SETD4: variants seen among roughly 807,000 people sequenced by gnomAD.
SETD4 encodes SET domain-containing protein 4.
In SETD4, 46 loss-of-function variants were observed where a neutral mutation model predicts 58.3. That is an observed-to-expected ratio of 0.79 (90% CI 0.62 to 1.01). The LOEUF is 1.01. Among genes scored for constraint, SETD4 ranks in the 50% least tolerant of loss-of-function variants. The probability of loss-of-function intolerance (pLI) is 0.00; values close to 1 mark genes in which losing one functional copy is unlikely to be tolerated. For synonymous variants in SETD4, 190 were observed against 202.6 expected, an observed-to-expected ratio of 0.94 and a Z score of 0.53; for missense variants, 490 against 523.3, an observed-to-expected ratio of 0.94 and a Z score of 0.62.
chr21:36,043,617 G>A, intron 7 of SETD4, 165 bp downstream of exon 7: 4 of 1,410,498 alleles, frequency 2.8e-6, no homozygotes, highest in Non-Finnish European at 3.7e-6. Flanking sequence ...CTTCAACACT[G>A]AAATTACAGC....
intron 1 of SETD4, 46 bp from the exon 2 acceptor site, chr21:36,058,970 C>G: frequency 6.8e-7 from 1 of 1,476,578 alleles, no homozygotes; most frequent in Non-Finnish European, 9.1e-7. Flanking sequence ...TGGAAATGCT[C>G]AATCTAAAAT....
In SETD4 at chr21:36,049,479, C is replaced by T. The variant is rs145250538; in HGVS notation, c.208-1083G>A. ...CTGAGGCAGGAGAATCACTTGAACT[C>T]GAGAGGCAGAGGTGGCAGTGAGCCG... is the stretch of plus-strand genomic sequence containing the variant. On this transcript the variant is annotated intron_variant, in intron 4 of 11. Coordinates refer to ENST00000332131, the MANE Select transcript of SETD4 (RefSeq NM_017438.5). 6.9e-3 allele frequency among the ~76,000 whole-genome samples: 1,050 copies of T among 152,176 alleles called. 6 individuals are homozygous for T. Among genetic ancestry groups the T allele is most frequent in the African/African-American group, 0.023 (972 of 41,508 alleles).
chr21:36,057,499 A>G (rs2065047281), intron 2 of SETD4: 1 of 606,844 alleles, frequency 1.6e-6, no homozygotes. Context: ...AAAAAATACA[A>G]TATTATAATC....
rs544739510 is a variant in SETD4, at chr21:36,054,343, A to G, written c.170-723T>C. On this transcript the variant is annotated intron_variant, in intron 3 of 11. Transcript: ENST00000332131. ...ATGCCTAAGCTTCTGCTCCTGGAAC[A>G]GTCAGACAAACATTGAAAGGATGCT... 1.2e-3 allele frequency among the ~76,000 whole-genome samples: 184 copies of G among 152,390 alleles called. 1 individual carries two copies. The highest frequency in any genetic ancestry group is 1.6e-3 in the Admixed American group (25 of 15,312).
chr21:36,040,630 G>A lies in SETD4; in HGVS notation c.1009C>T (p.Pro337Ser), dbSNP rs757438556. The A allele has an allele frequency of 8.1e-6, 13 of 1,613,710 alleles. No individual in the cohort carries two copies. Among genetic ancestry groups the A allele is most frequent in the Non-Finnish European group, 1.0e-5 (12 of 1,179,832 alleles). Reference protein sequence around the residue: ...IENLTFGWDGPSWRLLTALKL... With the variant: ...IENLTFGWDGSSWRLLTALKL... ...AGGGCTGTGAGTAGCCTCCAAGATGGTCCATCCCATCCAAATGTCAAATTT... is the reference window on the plus strand; with the variant it reads ...AGGGCTGTGAGTAGCCTCCAAGATGATCCATCCCATCCAAATGTCAAATTT... Residue 337 changes from proline (P) to serine (S), a missense_variant, in exon 9 of 12, where the codon CCA becomes TCA. Transcript: ENST00000332131.
intron 4 of SETD4, among the ~76,000 whole-genome samples, chr21:36,052,424 G>A (rs945471161): frequency 3.3e-5 from 5 of 150,822 alleles, no homozygotes; most frequent in Admixed American, 3.3e-4. Flanking sequence ...GGGCATGGTG[G>A]CACATGCCTG....
chr21:36,042,230 T>G (rs1271963301), intron 7 of SETD4: 3 of 167,544 alleles, frequency 1.8e-5, no homozygotes, highest in African/African-American at 7.2e-5. Context: ...TGCAAAAACA[T>G]GAGGAAAGGT....
At chr21:36,043,594 T>C (rs1351900592) in intron 7 of SETD4, 188 bp downstream of exon 7, 3 of 1,403,878 alleles carry the variant, frequency 2.1e-6, no homozygotes, top group Non-Finnish European at 2.8e-6. Flanking sequence ...CAGTCAAAAC[T>C]TCGTTGTTTT....
In SETD4 at chr21:36,036,141, G is replaced by A. The variant is rs762904022; in HGVS notation, c.1299C>T (p.His433=). 1.4e-5 allele frequency: 23 copies of A among 1,614,078 alleles called. No individual in the cohort carries two copies. The South Asian group carries it at 1.9e-4, about 13-fold the overall frequency. Residue 433 remains histidine, a synonymous_variant, in exon 11 of 12, where the codon CAC becomes CAT. Coordinates refer to ENST00000332131, the MANE Select transcript of SETD4 (RefSeq NM_017438.5). ...ATCAGGTAAAAGCTGTTTGCAAACT[G>A]TGCAGGGTCTCGGCAGATGCCCTGA... ...KILRASAETL[H]SLQTAFT
chr21:36,058,709 A>G (rs2065119125), intron 2 of SETD4, 107 bp downstream of exon 2: 1 of 1,288,164 alleles, frequency 7.8e-7, no homozygotes. Context: ...CAGAGCGAGA[A>G]TCCGTCTCAG....
chr21:36,043,904 G>A lies in SETD4; in HGVS notation c.779C>T (p.Ser260Leu). The A allele has an allele frequency of 1.2e-6, 2 of 1,614,206 alleles. No homozygotes were observed. The highest frequency in any genetic ancestry group is 1.1e-5 in the South Asian group (1 of 91,080). Residue 260 changes from serine (S) to leucine (L), a missense_variant, in exon 7 of 12, where the codon TCA (serine) becomes TTA (leucine). Transcript: ENST00000332131. ...TACCTCTTCATGCTTTCTCCAACGT[G>A]AAGTCGTTCTAATTTCGTAAGAATG... ...ETHSYEIRTT[S>L]RWRKHEEVFI... is the part of the protein sequence containing the mutation.
intron 5 of SETD4, among the ~76,000 whole-genome samples, chr21:36,047,655 G>A (rs2064395801): frequency 6.6e-6 from 1 of 151,810 alleles, no homozygotes; most frequent in African/African-American, 2.4e-5. Context: ...ACTCCAGGAA[G>A]CCTATTAAAA....
chr21:36,035,835 T>C lies in SETD4; in HGVS notation c.*158A>G. 2.3e-6 allele frequency: 1 copy of C among 439,868 alleles called. No individual in the cohort carries two copies. The allele number at this position is 439,868 out of a possible 1,614,324, so 27.2% of individuals were successfully genotyped here. A position where few individuals can be genotyped will look rare whatever the true frequency, so the allele number is the denominator to read the frequency against. The stretch of plus-strand genomic sequence containing the variant: ...GCATTAGACCTGCCATCCAGACAGC[T>C]TGTCCACCTTCACTCACAGCCTCAC... On this transcript the variant is annotated 3_prime_UTR_variant, in exon 12 of 12. Transcript: ENST00000332131.
intron 7 of SETD4, 79 bp downstream of exon 7, chr21:36,043,703 A>G: frequency 4.5e-6 from 7 of 1,569,926 alleles, no homozygotes; most frequent in Middle Eastern, 1.7e-4. Flanking sequence ...TGATATTTTT[A>G]TTAAAACTGA....
intron 2 of SETD4, among the ~76,000 whole-genome samples, chr21:36,058,063 T>C (rs1402921168): frequency 1.3e-5 from 2 of 152,216 alleles, no homozygotes; most frequent in Non-Finnish European, 2.9e-5. Flanking sequence ...ATCCTACAGA[T>C]AGCTGAAGGT....
chr21:36,038,982 C>G (rs2063913905), intron 9 of SETD4, among the ~76,000 whole-genome samples: 1 of 151,988 alleles, frequency 6.6e-6, no homozygotes, highest in Non-Finnish European at 1.5e-5. Context: ...CACCGAGAAT[C>G]TGGAAGTGGA....
chr21:36,048,387 T>C lies in SETD4; in HGVS notation c.217A>G (p.Met73Val). 1.9e-6 allele frequency: 3 copies of C among 1,614,108 alleles called. No homozygotes were observed. The highest frequency in any genetic ancestry group is 2.5e-6 in the Non-Finnish European group (3 of 1,180,016). The change falls in exon 5 of 12, where the codon ATG becomes GTG. Residue 73 changes from methionine (M) to valine (V), a missense_variant. Met to Val is a conservative substitution (Grantham distance 21). Transcript: ENST00000332131. ...CAACTCTCAGGCAACGAAATAATCA[T>C]CTGTCCCTCCTGGCCAAAAGGAAAG... ...MSQTSLQEGQ[M>V]IISLPESCLL...
rs941228709 is a variant in SETD4 at position 36,050,923 on chromosome 21, G to A, written c.208-2527C>T. On this transcript the variant is annotated intron_variant, in intron 4 of 11. Transcript: ENST00000332131. The stretch of plus-strand genomic sequence containing the variant: ...AGCAACTGCTCATTAGGTGGTGTGG[G>A]GATGATGTGTTCATTGAGTGAACAA... 4 of 1,610,080 alleles carry A rather than the reference G, an allele frequency of 2.5e-6. No homozygotes were observed. In the African/African-American group the frequency reaches 4.0e-5, roughly 16 times the overall value.
chr21:36,048,207 G>T, intron 5 of SETD4, 101 bp downstream of exon 5: 1 of 983,166 alleles, frequency 1.0e-6, no homozygotes, highest in Non-Finnish European at 1.6e-6. Context: ...GCTCTACAAG[G>T]GACTGGGTTC....
Sources: gnomAD v4.1 joint callset for allele counts (sites outside exome capture counted in the v4.1 genomes callset) on GRCh38, gnomAD v4.1.1 for gene constraint, MANE v1.5 for transcripts, NCBI Gene and HGNC (gene_info 2026-07-23, HGNC 2026-07-21) for gene names.